The following PDE3B variants were observed in gnomAD, a reference collection of about 807,000 sequenced individuals.
The protein encoded by PDE3B is cGMP-inhibited 3',5'-cyclic phosphodiesterase 3B.
PDE3B carries 66 observed loss-of-function variants against 116.8 expected under a neutral mutation model. That is an observed-to-expected ratio of 0.56 (90% CI 0.46 to 0.69). PDE3B has a LOEUF of 0.69. PDE3B is among the 30% of genes least tolerant of loss of function. PDE3B has a pLI of 0.00. For synonymous variants in PDE3B, 595 were observed against 533.6 expected, an observed-to-expected ratio of 1.12 and a Z score of -1.59; for missense variants, 1,384 against 1,368.1, an observed-to-expected ratio of 1.01 and a Z score of -0.18.
At chr11:14,659,630 T>A (rs1023791423) in intron 1 of PDE3B, among the ~76,000 whole-genome samples, 6 of 152,212 alleles carry the variant, frequency 3.9e-5, no homozygotes, top group African/African-American at 1.4e-4. Flanking sequence ...TACCCATTAG[T>A]TATTTTTCCT....
chr11:14,846,684 G>T (rs961324154), intron 12 of PDE3B, among the ~76,000 whole-genome samples: 2 of 152,160 alleles, frequency 1.3e-5, no homozygotes, highest in African/African-American at 4.8e-5. Context: ...GGCAGGGGTT[G>T]CAATTCTAGT....
chr11:14,697,443 T>G (rs1206124098), intron 1 of PDE3B, among the ~76,000 whole-genome samples: 2 of 152,192 alleles, frequency 1.3e-5, no homozygotes, highest in African/African-American at 2.4e-5. Context: ...TTTTGGACTC[T>G]GTTCCATTGG....
At chr11:14,739,169 A>C (rs551500506) in intron 1 of PDE3B, among the ~76,000 whole-genome samples, 14 of 152,328 alleles carry the variant, frequency 9.2e-5, no homozygotes, top group African/African-American at 3.4e-4. Context: ...TGGGGATAGC[A>C]CTGAATCTAT....
At chr11:14,820,972 A>C (rs1859500011) in intron 7 of PDE3B, among the ~76,000 whole-genome samples, 1 of 152,230 alleles carries the variant, frequency 6.6e-6, no homozygotes, top group African/African-American at 2.4e-5. Context: ...ATACTCAATA[A>C]AGTTTTTAAA....
intron 6 of PDE3B, among the ~76,000 whole-genome samples, 157 bp downstream of exon 6, chr11:14,818,550 A>G (rs756173125): frequency 6.6e-5 from 10 of 152,206 alleles, no homozygotes; most frequent in Non-Finnish European, 1.0e-4. Flanking sequence ...AAGATGTGCT[A>G]TAAGTTGTTT....
chr11:14,800,285 T>C (rs748542865), intron 4 of PDE3B, among the ~76,000 whole-genome samples: 1 of 152,162 alleles, frequency 6.6e-6, no homozygotes, highest in Non-Finnish European at 1.5e-5. Context: ...ACCAACGTGG[T>C]GAAACCCCGT....
Position 14,819,183 on chromosome 11 carries a change from G to A in PDE3B, c.1781G>A (p.Gly594Asp), listed in dbSNP as rs1859436088. The A allele has an allele frequency of 2.5e-6, 4 of 1,593,722 alleles. No individual in the cohort carries two copies. The highest frequency in any genetic ancestry group is 3.4e-6 in the Non-Finnish European group (4 of 1,166,494). ...TATGTTTCAACATCTGAATCAGATG[G>A]TACAGATTGCTGCAGTGGAAAATCA... Reference protein sequence around the residue: ...LKYVSTSESDGTDCCSGKSGE... With the variant: ...LKYVSTSESDDTDCCSGKSGE... The change falls in exon 7 of 16, where the codon GGT becomes GAT. Residue 594 changes from glycine (G) to aspartate (D), a missense_variant. Transcript: ENST00000282096.
chr11:14,663,673 A>G (rs1343197222), intron 1 of PDE3B, among the ~76,000 whole-genome samples: 2 of 152,204 alleles, frequency 1.3e-5, no homozygotes, highest in African/African-American at 4.8e-5. Context: ...GAGACAAAGA[A>G]GGCCATTACA....
chr11:14,725,425 C>T (rs1216881331), intron 1 of PDE3B, among the ~76,000 whole-genome samples: 1 of 137,888 alleles, frequency 7.3e-6, no homozygotes, highest in Non-Finnish European at 1.6e-5. Flanking sequence ...CTTTTCCCTT[C>T]CTTCCTTCCT....
chr11:14,692,378 C>T (rs565632051), intron 1 of PDE3B, among the ~76,000 whole-genome samples: 2 of 152,218 alleles, frequency 1.3e-5, no homozygotes, highest in East Asian at 3.9e-4. Flanking sequence ...TTACTCTTCA[C>T]TTTATATGAA....
chr11:14,739,784 C>T (rs1159089100), intron 1 of PDE3B, among the ~76,000 whole-genome samples: 2 of 152,154 alleles, frequency 1.3e-5, no homozygotes, highest in African/African-American at 4.8e-5. Flanking sequence ...TCCATCGACA[C>T]CTAGCTCATT....
At chr11:14,885,940 A>G in the PDE3B span, 33 of 1,610,276 alleles carry the variant, frequency 2.0e-5, no homozygotes, top group Non-Finnish European at 2.5e-5. Context: ...AAGAAAAACA[A>G]CATTTAAATG....
intron 3 of PDE3B, among the ~76,000 whole-genome samples, chr11:14,788,340 C>T (rs1003805265): frequency 2.0e-5 from 3 of 151,908 alleles, no homozygotes; most frequent in Non-Finnish European, 1.5e-5. Flanking sequence ...CTAAATGACA[C>T]TCAACAAGGA....
chr11:14,867,137 GATATA>G (rs1475472218), intron 14 of PDE3B, among the ~76,000 whole-genome samples: 1 of 151,548 alleles, frequency 6.6e-6, no homozygotes, highest in Admixed American at 6.6e-5. Context: ...GTACATTTGA[GATATA>G]ACTACAACAA....
chr11:14,894,841 A>G, the PDE3B span, among the ~76,000 whole-genome samples: 1 of 152,212 alleles, frequency 6.6e-6, no homozygotes, highest in Non-Finnish European at 1.5e-5. Context: ...GAAAACAATC[A>G]ATAATGTTTG....
At chr11:14,849,832 GA>G (rs1210500871) in intron 12 of PDE3B, among the ~76,000 whole-genome samples, 1 of 151,836 alleles carries the variant, frequency 6.6e-6, no homozygotes, top group Non-Finnish European at 1.5e-5. Flanking sequence ...AAAAAGTCAG[GA>G]AACAACAGGT....
chr11:14,894,322 C>T, the PDE3B span, among the ~76,000 whole-genome samples: 1 of 152,132 alleles, frequency 6.6e-6, no homozygotes, highest in Non-Finnish European at 1.5e-5. Flanking sequence ...GATATTGGGA[C>T]TGTGGGTGGG....
intron 1 of PDE3B, among the ~76,000 whole-genome samples, chr11:14,716,187 C>T (rs1855882658): frequency 6.6e-6 from 1 of 152,214 alleles, no homozygotes. Flanking sequence ...GGGTCACTCC[C>T]ACCCGAATAC....
intron 1 of PDE3B, among the ~76,000 whole-genome samples, chr11:14,744,807 G>A (rs981793507): frequency 1.3e-5 from 2 of 152,028 alleles, no homozygotes; most frequent in African/African-American, 4.8e-5. Context: ...TTTGCATTAG[G>A]GACATGAAAT....
Sources: allele counts gnomAD v4.1 joint callset (sites outside exome capture counted in the v4.1 genomes callset), GRCh38; gene constraint gnomAD v4.1.1; transcripts MANE v1.5; gene names NCBI Gene and HGNC (gene_info 2026-07-23, HGNC 2026-07-21).